SLC15A4: variants seen among roughly 807,000 people sequenced by gnomAD.
The protein encoded by SLC15A4 is hPHT1.
Under a neutral mutation model 46.1 loss-of-function variants are expected in SLC15A4, and 26 were observed. That is an observed-to-expected ratio of 0.56 (90% CI 0.41 to 0.78). SLC15A4 has a LOEUF of 0.78. SLC15A4 is among the 30% of genes least tolerant of loss of function. The pLI is 0.00. For synonymous variants in SLC15A4, 370 were observed against 333.4 expected (o/e 1.11, Z -1.20); for missense variants, 751 against 755.7 (o/e 0.99, Z 0.07).
At position 128,823,474 on chromosome 12, in the gene SLC15A4, G is replaced by T; in HGVS notation, c.470C>A (p.Thr157Asn). 6.7e-7 allele frequency: 1 copy of T among 1,483,820 alleles called. No homozygotes were observed. The highest frequency in any genetic ancestry group is 2.9e-5 in the East Asian group (1 of 35,050). The allele number at this position is 1,483,820 out of a possible 1,614,324, so 91.9% of individuals were successfully genotyped here. Residue 157 changes from threonine to asparagine, a missense_variant, in exon 1 of 8, where the codon ACC (threonine) becomes AAC (asparagine). Thr to Asn is a moderately conservative substitution (Grantham distance 65). Coordinates refer to ENST00000266771, the MANE Select transcript of SLC15A4 (RefSeq NM_145648.4). ...DAAARCCSPATFAGLVLVGLG... is the reference protein window; with the variant it reads ...DAAARCCSPANFAGLVLVGLG... Reference sequence around the variant, plus strand: ...GCCCACCAGCACCAGCCCCGCGAAGGTGGCCGGTGAGCAGCAGCGGGCGGC... The same window carrying T: ...GCCCACCAGCACCAGCCCCGCGAAGTTGGCCGGTGAGCAGCAGCGGGCGGC...
rs1327861070 is a variant in SLC15A4, at chr12:128,800,784, C to T, written c.1414+70G>A. 4.1e-6 allele frequency: 6 copies of T among 1,474,498 alleles called. No individual in the cohort carries two copies. In the Admixed American group the frequency reaches 1.3e-4, roughly 33 times the overall value. The allele number at this position is 1,474,498 out of a possible 1,614,324, so 91.3% of individuals were successfully genotyped here. ...TCCTTGTCTCAACATATTCCAACAGCACAGTCAGAATGCCCGAGCGCTCAC... is the reference window on the plus strand; with the variant it reads ...TCCTTGTCTCAACATATTCCAACAGTACAGTCAGAATGCCCGAGCGCTCAC... On this transcript the variant is annotated intron_variant, in intron 6 of 7. Coordinates refer to ENST00000266771, the MANE Select transcript of SLC15A4 (RefSeq NM_145648.4).
intron 2 of SLC15A4, among the ~76,000 whole-genome samples, chr12:128,811,265 A>C (rs956418119): frequency 2.6e-5 from 4 of 152,224 alleles, no homozygotes; most frequent in Non-Finnish European, 5.9e-5. Flanking sequence ...AGCCAACAGA[A>C]ATGGCACCTG....
rs760357083 is a variant in SLC15A4 at position 128,823,712 on chromosome 12, G to A, written c.232C>T (p.Leu78=). The part of the protein sequence containing the change: ...CWEGAQASEA[L]LLFMGLTYLG... ...TAGGTGAGGCCCATGAAGAGCAGCA[G>A]CGCCTCGCTGGCCTGCGCGCCCTCC... is the stretch of plus-strand genomic sequence containing the variant. The change falls in exon 1 of 8, where the codon CTG becomes TTG. Residue 78 remains leucine (L), a synonymous_variant. Transcript: ENST00000266771. 361 of 1,532,478 alleles carry A rather than the reference G, an allele frequency of 2.4e-4. No homozygotes were observed. The highest frequency in any genetic ancestry group is 2.9e-4 in the Non-Finnish European group (338 of 1,148,388). 94.9% of individuals were successfully genotyped at this position (1,532,478 alleles called of 1,614,324 possible).
chr12:128,803,274 GACAA>G (rs1476662073), intron 5 of SLC15A4, among the ~76,000 whole-genome samples: 1 of 152,140 alleles, frequency 6.6e-6, no homozygotes, highest in East Asian at 1.9e-4. Flanking sequence ...GGATGTATCA[GACAA>G]ACAATCATAA....
intron 1 of SLC15A4, among the ~76,000 whole-genome samples, chr12:128,816,265 G>A (rs1046680801): frequency 2.0e-5 from 3 of 152,140 alleles, no homozygotes; most frequent in East Asian, 3.8e-4. Flanking sequence ...GGATTTTTAC[G>A]TCTAAATAAG....
chr12:128,801,515 G>A (rs1460254137), intron 5 of SLC15A4: 2 of 153,624 alleles, frequency 1.3e-5, no homozygotes, highest in Admixed American at 6.4e-5. Context: ...CCTGCATAGG[G>A]TAGGCTTAAT....
intron 1 of SLC15A4, chr12:128,819,395 T>C (rs1955804491): frequency 6.6e-6 from 1 of 151,980 alleles, no homozygotes; most frequent in Non-Finnish European, 1.5e-5. Context: ...AGAATAAGAC[T>C]TGGTCTTAAA....
At chr12:128,801,130 G>T in intron 5 of SLC15A4, 121 bp from the exon 6 acceptor site, 3 of 911,336 alleles carry the variant, frequency 3.3e-6, no homozygotes, top group Non-Finnish European at 4.9e-6. Flanking sequence ...AAAGGACCAC[G>T]TCTAATCACA....
intron 2 of SLC15A4, 92 bp downstream of exon 2, chr12:128,814,683 A>G (rs1295413137): frequency 3.7e-6 from 5 of 1,358,646 alleles, no homozygotes; most frequent in Non-Finnish European, 5.1e-6. Context: ...GGCCCAGCAC[A>G]CAATAAGCAC....
intron 5 of SLC15A4, among the ~76,000 whole-genome samples, chr12:128,803,900 A>G (rs973814829): frequency 1.3e-5 from 2 of 152,180 alleles, no homozygotes; most frequent in Non-Finnish European, 2.9e-5. Context: ...CTTATGTTTT[A>G]AGCCCACATG....
chr12:128,815,656 G>GC (rs1955741901), intron 1 of SLC15A4: 1 of 155,140 alleles, frequency 6.4e-6, no homozygotes, highest in Non-Finnish European at 1.4e-5. Flanking sequence ...ACTGTACCTG[G>GC]TTGACAAGAG....
rs966563740 is a variant in SLC15A4, at chr12:128,794,231, T to C, written c.1699A>G (p.Arg567Gly). The C allele has an allele frequency of 2.5e-6, 4 of 1,613,762 alleles. No individual in the cohort carries two copies. In the Admixed American group the frequency reaches 5.0e-5, roughly 20 times the overall value. The change falls in exon 8 of 8, where the codon AGA becomes GGA. Residue 567 changes from arginine to glycine, a missense_variant. Coordinates refer to ENST00000266771, the MANE Select transcript of SLC15A4 (RefSeq NM_145648.4). Reference sequence around the variant, plus strand: ...CTGCTGGTGGGCACGCCATTGGCTCTTGATCGCTGATGGTCTCGATGATGG... The same window carrying C: ...CTGCTGGTGGGCACGCCATTGGCTCCTGATCGCTGATGGTCTCGATGATGG... ...YDHHRDHQRS[R>G]ANGVPTSRRA
At chr12:128,809,897 C>A (rs774069992) in intron 3 of SLC15A4, 46 bp downstream of exon 3, 23 of 1,584,460 alleles carry the variant, frequency 1.5e-5, no homozygotes, top group Non-Finnish European at 1.9e-5. Context: ...TAGGGTAAGA[C>A]TTCATAGGAA....
At chr12:128,804,492 G>A (rs1166044729) in intron 5 of SLC15A4, among the ~76,000 whole-genome samples, 2 of 152,220 alleles carry the variant, frequency 1.3e-5, no homozygotes, top group Admixed American at 1.3e-4. Flanking sequence ...AGCACTTTGG[G>A]AGGCCAAGGT....
At chr12:128,799,963 T>C (rs113218700) in intron 6 of SLC15A4, among the ~76,000 whole-genome samples, 2 of 152,288 alleles carry the variant, frequency 1.3e-5, no homozygotes, top group Non-Finnish European at 2.9e-5. Flanking sequence ...TGCCTCAGCC[T>C]CCCGAGTAGC....
chr12:128,820,567 C>G (rs1379181028), intron 1 of SLC15A4, among the ~76,000 whole-genome samples: 3 of 152,222 alleles, frequency 2.0e-5, no homozygotes, highest in African/African-American at 7.2e-5. Flanking sequence ...GGCTCAGTCA[C>G]ATACAAGCTG....
chr12:128,823,557 T>G lies in SLC15A4; in HGVS notation c.387A>C (p.Arg129=). 1.4e-6 allele frequency: 2 copies of G among 1,445,238 alleles called. No individual in the cohort carries two copies. The highest frequency in any genetic ancestry group is 1.8e-6 in the Non-Finnish European group (2 of 1,107,104). 89.5% of individuals were successfully genotyped at this position (1,445,238 alleles called of 1,614,324 possible). A position where few individuals can be genotyped will look rare whatever the true frequency, so the allele number is the denominator to read the frequency against. Reference sequence around the variant, plus strand: ...GGCGCGCGGAACCGCAGAGCGCGGCTCGCGTGGCGGGCGCGGCCAGCAGCG... The same window carrying G: ...GGCGCGCGGAACCGCAGAGCGCGGCGCGCGTGGCGGGCGCGGCCAGCAGCG... ...AFPLLAAPAT[R]AALCGSARLL... Residue 129 remains arginine (R), a synonymous_variant, in exon 1 of 8, where the codon CGA becomes CGC. Coordinates refer to ENST00000266771, the MANE Select transcript of SLC15A4 (RefSeq NM_145648.4).
intron 1 of SLC15A4, among the ~76,000 whole-genome samples, chr12:128,818,282 C>G (rs1955786815): frequency 6.6e-6 from 1 of 152,184 alleles, no homozygotes; most frequent in Admixed American, 6.5e-5. Context: ...CTTTCAGAAG[C>G]CAACTAGGCC....
chr12:128,817,923 T>C (rs997421248), intron 1 of SLC15A4, among the ~76,000 whole-genome samples: 2 of 152,140 alleles, frequency 1.3e-5, no homozygotes, highest in Non-Finnish European at 1.5e-5. Context: ...CTACGTGCCC[T>C]ACCAAGGGTA....
Sources: gnomAD v4.1 joint callset for allele counts (sites outside exome capture counted in the v4.1 genomes callset) on GRCh38, gnomAD v4.1.1 for gene constraint, MANE v1.5 for transcripts, NCBI Gene and HGNC (gene_info 2026-07-23, HGNC 2026-07-21) for gene names.